Variants in OR4D9 observed in about 807,000 individuals in gnomAD.
The protein encoded by OR4D9 is olfactory receptor 4D9.
OR4D9 carries 2 observed loss-of-function variants against 0.8 expected under a neutral mutation model. That is an observed-to-expected ratio of 2.58 (90% CI 1.06 to 8.13). The LOEUF is 8.13. Among genes scored for constraint, OR4D9 ranks in the 30% most tolerant of loss-of-function variants. The pLI, the probability that OR4D9 is intolerant of heterozygous loss-of-function variation, is 0.04. For missense variants in OR4D9, 399 were observed against 384.7 expected (o/e 1.04, Z -0.31); for synonymous variants, 146 against 151.2 (o/e 0.97, Z 0.25).
At position 59,514,771 on chromosome 11, in the gene OR4D9, G is replaced by A; in HGVS notation, c.-31+5G>A. On this transcript the variant is annotated splice_donor_5th_base_variant and intron_variant, in intron 2 of 2. Coordinates refer to ENST00000641962, the MANE Select transcript of OR4D9 (RefSeq NM_001004711.2). ...GCATACTGACTTGCAGACACAGTGAGTGCATAGGGAAAAGAGCTTCCTCCT... is the reference window on the plus strand; with the variant it reads ...GCATACTGACTTGCAGACACAGTGAATGCATAGGGAAAAGAGCTTCCTCCT... The A allele has an allele frequency of 1.6e-6, 1 of 619,078 alleles. No individual in the cohort carries two copies. Among genetic ancestry groups the A allele is most frequent in the East Asian group, 2.7e-5 (1 of 36,434 alleles). The allele number at this position is 619,078 out of a possible 1,614,324, so 38.3% of individuals were successfully genotyped here. A position where few individuals can be genotyped will look rare whatever the true frequency, so the allele number is the denominator to read the frequency against.
In OR4D9 at chr11:59,517,233, CA is replaced by C. The variant is rs397721241; in HGVS notation, c.*1388del. The stretch of plus-strand genomic sequence containing the variant: ...CTGAGCAACAGATCAAGACACTTGT[CA>C]AAAAAAAAAAAGAAAAGAAAAGACA... On this transcript the variant is annotated 3_prime_UTR_variant, in exon 3 of 3. Transcript: ENST00000641962. 7.3e-4 allele frequency: 91 copies of C among 123,958 alleles called. No individual in the cohort carries two copies. The highest frequency in any genetic ancestry group is 8.5e-4 in the Admixed American group (10 of 11,802). The allele number at this position is 123,958 out of a possible 1,614,324, so 7.7% of individuals were successfully genotyped here. A position where few individuals can be genotyped will look rare whatever the true frequency, so the allele number is the denominator to read the frequency against.
Position 59,515,187 on chromosome 11 carries a change from T to A in OR4D9, c.275T>A (p.Ile92Asn). Residue 92 changes from isoleucine to asparagine, a missense_variant, in exon 3 of 3, where the codon ATC (isoleucine) becomes AAC (asparagine). By Grantham distance (149) the Ile-to-Asn change is moderately radical. Transcript: ENST00000641962. Reference protein sequence around the residue: ...LIDLLSETKTISFSGCVTQMF... With the variant: ...LIDLLSETKTNSFSGCVTQMF... ...GATCTTCTATCAGAGACAAAAACCATCTCCTTCAGTGGCTGTGTCACTCAA... is the reference window on the plus strand; with the variant it reads ...GATCTTCTATCAGAGACAAAAACCAACTCCTTCAGTGGCTGTGTCACTCAA... 1 of 1,614,098 alleles carries A rather than the reference T, an allele frequency of 6.2e-7. No homozygotes were observed. Among genetic ancestry groups the A allele is most frequent in the Non-Finnish European group, 8.5e-7 (1 of 1,180,030 alleles).
rs1433093290 is a variant in OR4D9, at chr11:59,515,415, T to G, written c.503T>G (p.Phe168Cys). ...AQISLLLPLP[F>C]CGPNVLDTFY... ...ATTTCTCTATTGCTCCCACTCCCTT[T>G]CTGTGGACCCAATGTTCTTGACACT... Residue 168 changes from phenylalanine to cysteine, a missense_variant, in exon 3 of 3, where the codon TTC becomes TGC. By Grantham distance (205) the Phe-to-Cys change is radical. Coordinates refer to ENST00000641962, the MANE Select transcript of OR4D9 (RefSeq NM_001004711.2). The G allele has an allele frequency of 7.4e-6, 12 of 1,614,106 alleles. No homozygotes were observed. Among genetic ancestry groups the G allele is most frequent in the Non-Finnish European group, 9.3e-6 (11 of 1,179,946 alleles).
chr11:59,515,370 T>C lies in OR4D9; in HGVS notation c.458T>C (p.Phe153Ser), dbSNP rs1204894376. 3.7e-6 allele frequency: 6 copies of C among 1,614,038 alleles called. No homozygotes were observed. The highest frequency in any genetic ancestry group is 1.7e-5 in the Admixed American group (1 of 60,002). The change falls in exon 3 of 3, where the codon TTT (phenylalanine) becomes TCT (serine). Residue 153 changes from phenylalanine to serine, a missense_variant. Transcript: ENST00000641962. The part of the protein sequence containing the change: ...GLIVASWVGG[F>S]VHSIAQISLL... Reference sequence around the variant, plus strand: ...ATCGTGGCTTCCTGGGTGGGGGGCTTTGTCCACTCCATAGCGCAGATTTCT... The same window carrying C: ...ATCGTGGCTTCCTGGGTGGGGGGCTCTGTCCACTCCATAGCGCAGATTTCT...
chr11:59,511,719 C>T lies in OR4D9; in HGVS notation c.-152C>T, dbSNP rs12792238. 1 of 151,954 alleles carries T rather than the reference C, an allele frequency of 6.6e-6. No homozygotes were observed. Among genetic ancestry groups the T allele is most frequent in the East Asian group, 1.9e-4 (1 of 5,180 alleles). 9.4% of individuals were successfully genotyped at this position (151,954 alleles called of 1,614,324 possible). A position where few individuals can be genotyped will look rare whatever the true frequency, so the allele number is the denominator to read the frequency against. On this transcript the variant is annotated 5_prime_UTR_variant, in exon 1 of 3. Transcript: ENST00000641962. ...ATGTGTAGAATGTTCCTATGGAAGT[C>T]AAGACTCTTAAGAAGCAAAGAAAAG...
Position 59,517,886 on chromosome 11 carries a change from T to C in OR4D9, c.*2029T>C, listed in dbSNP as rs569083604. 552 of 151,862 alleles carry C rather than the reference T, an allele frequency of 3.6e-3. 6 individuals are homozygous for C. Among genetic ancestry groups the C allele is most frequent in the Non-Finnish European group, 5.4e-3 (365 of 67,966 alleles). The allele number at this position is 151,862 out of a possible 1,614,324, so 9.4% of individuals were successfully genotyped here. ...AGGCTGTGGACAGCTCCTTTGATTT[T>C]GAGAAAAAAATGAGCAAAGGCAGAT... On this transcript the variant is annotated 3_prime_UTR_variant, in exon 3 of 3. Transcript: ENST00000641962.
Position 59,515,927 on chromosome 11 carries a change from T to C in OR4D9, c.*70T>C. On this transcript the variant is annotated 3_prime_UTR_variant, in exon 3 of 3. Transcript: ENST00000641962. ...TTTCTCAAAATGGGAAAGGAGCTTG[T>C]TCATGCCCAAAACAAAGAGATACCT... The C allele has an allele frequency of 8.6e-7, 1 of 1,167,748 alleles. No individual in the cohort carries two copies. The highest frequency in any genetic ancestry group is 2.5e-5 in the East Asian group (1 of 39,856). 72.3% of individuals were successfully genotyped at this position (1,167,748 alleles called of 1,614,324 possible).
Position 59,515,493 on chromosome 11 carries a change from C to G in OR4D9, c.581C>G (p.Thr194Ser). ...AAACTTGCCTGCACTGACACCTTCACTCTGGAGCTCCTGATGATTTCAAAT... is the reference window on the plus strand; with the variant it reads ...AAACTTGCCTGCACTGACACCTTCAGTCTGGAGCTCCTGATGATTTCAAAT... ...VLKLACTDTF[T>S]LELLMISNNG... The change falls in exon 3 of 3, where the codon ACT (threonine) becomes AGT (serine). Residue 194 changes from threonine (T) to serine (S), a missense_variant. Physicochemically the swap from Thr to Ser is moderately conservative, Grantham distance 58. Coordinates refer to ENST00000641962, the MANE Select transcript of OR4D9 (RefSeq NM_001004711.2). 6.2e-7 allele frequency: 1 copy of G among 1,614,146 alleles called. No homozygotes were observed. The highest frequency in any genetic ancestry group is 8.5e-7 in the Non-Finnish European group (1 of 1,180,008).
At chr11:59,513,914 T>C (rs1048526173) in intron 1 of OR4D9, among the ~76,000 whole-genome samples, 3 of 152,186 alleles carry the variant, frequency 2.0e-5, no homozygotes, top group Non-Finnish European at 2.9e-5. Context: ...GAGGCTACAG[T>C]GAGCTATAAG....
In OR4D9 at chr11:59,518,653, C is replaced by T. The variant is rs1008924804; in HGVS notation, c.*2796C>T. ...CCCTCCACTTCAGCCTCCCAAAATG[C>T]TAGAATTACAGGCATGAGACACCTC... On this transcript the variant is annotated 3_prime_UTR_variant, in exon 3 of 3. Transcript: ENST00000641962. 3 of 152,178 alleles carry T rather than the reference C, an allele frequency of 2.0e-5. No homozygotes were observed. The highest frequency in any genetic ancestry group is 4.4e-5 in the Non-Finnish European group (3 of 68,054). The allele number at this position is 152,178 out of a possible 1,614,324, so 9.4% of individuals were successfully genotyped here. A position where few individuals can be genotyped will look rare whatever the true frequency, so the allele number is the denominator to read the frequency against.
Position 59,515,442 on chromosome 11 carries a change from T to C in OR4D9, c.530T>C (p.Phe177Ser), listed in dbSNP as rs1301023686. Reference protein sequence around the residue: ...PFCGPNVLDTFYCDVPQVLKL... With the variant: ...PFCGPNVLDTSYCDVPQVLKL... Reference sequence around the variant, plus strand: ...TGTGGACCCAATGTTCTTGACACTTTCTACTGCGATGTCCCCCAGGTCCTC... The same window carrying C: ...TGTGGACCCAATGTTCTTGACACTTCCTACTGCGATGTCCCCCAGGTCCTC... The change falls in exon 3 of 3, where the codon TTC (phenylalanine) becomes TCC (serine). Residue 177 changes from phenylalanine (F) to serine (S), a missense_variant. Phe to Ser is a radical substitution (Grantham distance 155). Coordinates refer to ENST00000641962, the MANE Select transcript of OR4D9 (RefSeq NM_001004711.2). The C allele has an allele frequency of 6.2e-7, 1 of 1,614,192 alleles. No individual in the cohort carries two copies. The highest frequency in any genetic ancestry group is 1.7e-5 in the Admixed American group (1 of 60,018).
intron 1 of OR4D9, among the ~76,000 whole-genome samples, chr11:59,513,468 C>T (rs1395740172): frequency 1.3e-5 from 2 of 152,208 alleles, no homozygotes; most frequent in Non-Finnish European, 2.9e-5. Flanking sequence ...AGTGCATACT[C>T]TTTGGTCCCT....
At chr11:59,513,945 T>A (rs1165203056) in intron 1 of OR4D9, among the ~76,000 whole-genome samples, 2 of 152,140 alleles carry the variant, frequency 1.3e-5, no homozygotes, top group African/African-American at 4.8e-5. Context: ...CACTCCAGCC[T>A]GGGCGACAGA....
rs1251194671 is a variant in OR4D9, at chr11:59,515,112, C to A, written c.200C>A (p.Ser67Tyr). The A allele has an allele frequency of 4.3e-6, 7 of 1,614,178 alleles. No individual in the cohort carries two copies. In the South Asian group the frequency reaches 7.7e-5, roughly 18 times the overall value. The change falls in exon 3 of 3, where the codon TCT becomes TAT. Residue 67 changes from serine (S) to tyrosine (Y), a missense_variant. Ser to Tyr is a moderately radical substitution (Grantham distance 144). Transcript: ENST00000641962. The stretch of plus-strand genomic sequence containing the variant: ...ATGTACTTCCTGCTCCGCAACCTGT[C>A]TATTCTTGACATCTGCTTTTCCTCC... ...TPMYFLLRNL[S>Y]ILDICFSSIT...
At chr11:59,514,323 A>G (rs1859371376) in intron 1 of OR4D9, among the ~76,000 whole-genome samples, 1 of 152,164 alleles carries the variant, frequency 6.6e-6, no homozygotes, top group South Asian at 2.1e-4. Flanking sequence ...CCAATCTGGC[A>G]TGTATATTGT....
intron 1 of OR4D9, among the ~76,000 whole-genome samples, chr11:59,513,203 T>C (rs1360768627): frequency 6.6e-6 from 1 of 152,098 alleles, no homozygotes; most frequent in Non-Finnish European, 1.5e-5. Flanking sequence ...GCCTCCCAAG[T>C]AGCTGGGACT....
Position 59,517,586 on chromosome 11 carries a change from C to G in OR4D9, c.*1729C>G, listed in dbSNP as rs571769671. Reference sequence around the variant, plus strand: ...GTGGCTCACGCCTGTAATCCCAGCACTTTGGGAGGCTGAGGCGGGTGGATC... The same window carrying G: ...GTGGCTCACGCCTGTAATCCCAGCAGTTTGGGAGGCTGAGGCGGGTGGATC... On this transcript the variant is annotated 3_prime_UTR_variant, in exon 3 of 3. Coordinates refer to ENST00000641962, the MANE Select transcript of OR4D9 (RefSeq NM_001004711.2). 3 of 152,188 alleles carry G rather than the reference C, an allele frequency of 2.0e-5. No homozygotes were observed. The highest frequency in any genetic ancestry group is 2.0e-4 in the Admixed American group (3 of 15,296). 9.4% of individuals were successfully genotyped at this position (152,188 alleles called of 1,614,324 possible).
In OR4D9 at chr11:59,518,468, G is replaced by C. The variant is rs990617208; in HGVS notation, c.*2611G>C. ...GATCCAGCAGATGGAGAAAGGGAGA[G>C]AGAATTAAGAATAAGTGATTCTCCT... is the stretch of plus-strand genomic sequence containing the variant. On this transcript the variant is annotated 3_prime_UTR_variant, in exon 3 of 3. Coordinates refer to ENST00000641962, the MANE Select transcript of OR4D9 (RefSeq NM_001004711.2). 6.6e-6 allele frequency: 1 copy of C among 152,258 alleles called. No homozygotes were observed. The highest frequency in any genetic ancestry group is 1.5e-5 in the Non-Finnish European group (1 of 68,080). 9.4% of individuals were successfully genotyped at this position (152,258 alleles called of 1,614,324 possible). A position where few individuals can be genotyped will look rare whatever the true frequency, so the allele number is the denominator to read the frequency against.
intron 1 of OR4D9, among the ~76,000 whole-genome samples, chr11:59,512,127 G>A (rs1319361395): frequency 3.9e-5 from 6 of 152,020 alleles, no homozygotes; most frequent in African/African-American, 7.3e-5. Flanking sequence ...ATAGAAAACC[G>A]TGATATGTGT....
Sources: gnomAD v4.1 joint callset for allele counts (sites outside exome capture counted in the v4.1 genomes callset) on GRCh38, gnomAD v4.1.1 for gene constraint, MANE v1.5 for transcripts, NCBI Gene and HGNC (gene_info 2026-07-23, HGNC 2026-07-21) for gene names.